Variants in TBXAS1 observed in about 807,000 individuals in gnomAD.
TBXAS1 encodes the protein thromboxane-A synthase.
A neutral mutation model predicts 60.7 loss-of-function variants in TBXAS1; 48 were observed. The ratio of observed to expected loss-of-function variants is 0.79; its 90% confidence interval spans 0.63 to 1.01. The LOEUF (loss-of-function observed/expected upper bound fraction) is 1.01. TBXAS1 is among the 50% of genes least tolerant of loss of function. The pLI is 0.00. For missense variants in TBXAS1, 685 were observed against 686.3 expected (o/e 1.00, Z 0.02); for synonymous variants, 287 against 269.7 (o/e 1.06, Z -0.63).
intron 4 of TBXAS1, among the ~76,000 whole-genome samples, chr7:139,815,901 G>T (rs1193255074): frequency 1.4e-4 from 21 of 152,160 alleles, no homozygotes; most frequent in Admixed American, 1.4e-3. Context: ...GACAATTCTG[G>T]CCAATTTGGT....
chr7:139,938,804 G>C (rs1368118701), intron 5 of TBXAS1, among the ~76,000 whole-genome samples: 1 of 152,080 alleles, frequency 6.6e-6, no homozygotes, highest in Admixed American at 6.6e-5. Flanking sequence ...TCTGAGAAAA[G>C]AAGAAAAGAG....
intron 10 of TBXAS1, among the ~76,000 whole-genome samples, chr7:140,012,210 C>T (rs1814670048): frequency 6.6e-6 from 1 of 152,176 alleles, no homozygotes; most frequent in Admixed American, 6.5e-5. Flanking sequence ...AGGAAATGGC[C>T]TGAAGTCTGG....
At chr7:139,918,820 C>T (rs1053895142) in intron 4 of TBXAS1, among the ~76,000 whole-genome samples, 3 of 152,116 alleles carry the variant, frequency 2.0e-5, no homozygotes, top group Admixed American at 1.3e-4. Flanking sequence ...CAACCTCACC[C>T]GGAGGCCATT....
chr7:139,952,160 C>A (rs550207273), intron 5 of TBXAS1, among the ~76,000 whole-genome samples: 4 of 152,228 alleles, frequency 2.6e-5, no homozygotes, highest in African/African-American at 9.6e-5. Context: ...GATTGTTAGA[C>A]GAAGTCAGAT....
At chr7:139,823,783 T>C (rs923300145) in intron 4 of TBXAS1, among the ~76,000 whole-genome samples, 1 of 152,188 alleles carries the variant, frequency 6.6e-6, no homozygotes, top group African/African-American at 2.4e-5. Context: ...TCGTGGGACA[T>C]CTCTGAGCTC....
At chr7:139,994,947 C>T (rs1000103054) in intron 9 of TBXAS1, among the ~76,000 whole-genome samples, 3 of 152,220 alleles carry the variant, frequency 2.0e-5, no homozygotes, top group African/African-American at 7.2e-5. Flanking sequence ...GGGCCCTGAC[C>T]AGGGAGGACG....
At chr7:139,848,260 C>A (rs1336929365) in intron 1 of TBXAS1, among the ~76,000 whole-genome samples, 2 of 152,054 alleles carry the variant, frequency 1.3e-5, no homozygotes, top group Non-Finnish European at 2.9e-5. Context: ...ACTGGGATTA[C>A]AGGCATGAGC....
chr7:139,861,530 C>G (rs1173251067), intron 1 of TBXAS1, among the ~76,000 whole-genome samples: 4 of 151,060 alleles, frequency 2.6e-5, no homozygotes, highest in African/African-American at 9.8e-5. Context: ...GCTAGGATTA[C>G]AGGAGCGAGC....
upstream of TBXAS1, among the ~76,000 whole-genome samples, chr7:139,828,202 T>C (rs1195753214): frequency 6.6e-6 from 1 of 152,202 alleles, no homozygotes; most frequent in Non-Finnish European, 1.5e-5. Flanking sequence ...TTTGTCTTTG[T>C]TGAATTGGGT....
At chr7:139,934,470 G>A (rs541936955) in intron 4 of TBXAS1, among the ~76,000 whole-genome samples, 1 of 152,224 alleles carries the variant, frequency 6.6e-6, no homozygotes, top group African/African-American at 2.4e-5. Flanking sequence ...TTACAGGCGT[G>A]AGCCACCATG....
At chr7:139,970,529 A>G (rs1811123847) in intron 9 of TBXAS1, among the ~76,000 whole-genome samples, 1 of 152,240 alleles carries the variant, frequency 6.6e-6, no homozygotes, top group South Asian at 2.1e-4. Context: ...TGTGCTGGAC[A>G]TGGCAAGTAT....
chr7:139,986,560 T>A (rs1177329724), intron 9 of TBXAS1, among the ~76,000 whole-genome samples: 2 of 151,584 alleles, frequency 1.3e-5, no homozygotes, highest in Non-Finnish European at 2.9e-5. Flanking sequence ...TGTATCATTC[T>A]TATGCCTTTG....
intron 1 of TBXAS1, among the ~76,000 whole-genome samples, chr7:139,837,313 A>G (rs1005263130): frequency 3.9e-5 from 6 of 152,222 alleles, no homozygotes; most frequent in Admixed American, 6.5e-5. Context: ...GCTACTGGGT[A>G]TCTACCCAAA....
At chr7:139,962,415 G>A in intron 9 of TBXAS1, 182 bp downstream of exon 9, 1 of 721,288 alleles carries the variant, frequency 1.4e-6, no homozygotes, top group Non-Finnish European at 2.3e-6. Flanking sequence ...GAAATGTTGA[G>A]AACAATAACC....
At chr7:139,800,056 CAG>C (rs975636573) in intron 4 of TBXAS1, among the ~76,000 whole-genome samples, 1 of 152,192 alleles carries the variant, frequency 6.6e-6, no homozygotes, top group Non-Finnish European at 1.5e-5. Context: ...ACTGGATCTC[CAG>C]AGTTTCCCTG....
chr7:139,942,294 G>A (rs1020483098), intron 5 of TBXAS1, among the ~76,000 whole-genome samples: 20 of 152,186 alleles, frequency 1.3e-4, no homozygotes, highest in African/African-American at 4.6e-4. Context: ...GCATATGAAA[G>A]GCTTGAGAAA....
chr7:139,937,852 G>A (rs1299131094), intron 5 of TBXAS1, among the ~76,000 whole-genome samples: 2 of 150,436 alleles, frequency 1.3e-5, no homozygotes, highest in East Asian at 2.0e-4. Context: ...CGGAGGCCAC[G>A]TAGGACTGTG....
At position 139,942,355 on chromosome 7, in the gene TBXAS1, G is replaced by A. The variant is rs143315237; in HGVS notation, c.450+6048G>A. On this transcript the variant is annotated intron_variant, in intron 5 of 12. Coordinates refer to ENST00000448866, the MANE Select transcript of TBXAS1 (RefSeq NM_001061.7). ...ACTTTGTTTATTCTGGGCTCAAATAGGTTTTCAAAAGGAGAGAACGTGGGT... is the reference window on the plus strand; with the variant it reads ...ACTTTGTTTATTCTGGGCTCAAATAAGTTTTCAAAAGGAGAGAACGTGGGT... Among the ~76,000 whole-genome samples the A allele has an allele frequency of 6.4e-3, 973 of 152,312 alleles. 9 individuals are homozygous for A. The highest frequency in any genetic ancestry group is 0.023 in the African/African-American group (939 of 41,564).
intron 4 of TBXAS1, among the ~76,000 whole-genome samples, chr7:139,800,785 A>G (rs529405162): frequency 7.5e-4 from 114 of 152,258 alleles, no homozygotes; most frequent in Non-Finnish European, 1.5e-3. Context: ...TGACCTTCTC[A>G]TATTTCCTCA....
Sources: gnomAD v4.1 joint callset for allele counts (sites outside exome capture counted in the v4.1 genomes callset) on GRCh38, gnomAD v4.1.1 for gene constraint, MANE v1.5 for transcripts, NCBI Gene and HGNC (gene_info 2026-07-23, HGNC 2026-07-21) for gene names.